MUC5B: variants seen among roughly 807,000 people sequenced by gnomAD.
MUC5B encodes the protein mucin 5B, oligomeric mucus/gel-forming, also known as mucin-5B.
A neutral mutation model predicts 376.9 loss-of-function variants in MUC5B; 116 were observed. That is an observed-to-expected ratio of 0.31 (90% CI 0.26 to 0.36). The LOEUF (loss-of-function observed/expected upper bound fraction) is 0.36. Ranked by LOEUF, MUC5B falls within the 10% of genes least tolerant of loss-of-function variation. The pLI, the probability that MUC5B is intolerant of heterozygous loss-of-function variation, is 1.00. For missense variants in MUC5B, 7,165 were observed against 7,769.9 expected, an observed-to-expected ratio of 0.92 and a Z score of 2.93; for synonymous variants, 3,517 against 3,390.9, an observed-to-expected ratio of 1.04 and a Z score of -1.29.
rs375985274 is a variant in MUC5B at position 1,232,698 on chromosome 11, G to A, written c.1993G>A (p.Ala665Thr). ...CERSEDCLCAALSSYVHACAA... is the reference protein window; with the variant it reads ...CERSEDCLCATLSSYVHACAA... ...GCGGAGCGAGGACTGCCTGTGCGCC[G>A]CGCTGTCCTCCTATGTGCACGCCTG... Residue 665 changes from alanine to threonine, a missense_variant, in exon 17 of 49, where the codon GCG becomes ACG. Ala to Thr is a moderately conservative substitution (Grantham distance 58). Coordinates refer to ENST00000529681, the MANE Select transcript of MUC5B (RefSeq NM_002458.3). 8 of 1,599,296 alleles carry A rather than the reference G, an allele frequency of 5.0e-6. No individual in the cohort carries two copies. Among genetic ancestry groups the A allele is most frequent in the African/African-American group, 1.3e-5 (1 of 74,676 alleles).
rs1375041151 is a variant in MUC5B at position 1,234,163 on chromosome 11, C to A, written c.2378-42C>A. 2.7e-6 allele frequency: 4 copies of A among 1,502,862 alleles called. No individual in the cohort carries two copies. The highest frequency in any genetic ancestry group is 2.8e-5 in the African/African-American group (2 of 72,556). The allele number at this position is 1,502,862 out of a possible 1,614,324, so 93.1% of individuals were successfully genotyped here. A position where few individuals can be genotyped will look rare whatever the true frequency, so the allele number is the denominator to read the frequency against. ...GCCTGGGGTCAGTTGAGGGCCGTGG[C>A]TGCCCTTCCCCAGGACCCCTCCCAC... On this transcript the variant is annotated intron_variant, in intron 19 of 48. Transcript: ENST00000529681. The surrounding 1 kb of genome is among the most constrained non-coding windows in gnomAD (Gnocchi z 6.3).
Position 1,242,861 on chromosome 11 carries a change from G to A in MUC5B, c.5981G>A (p.Arg1994His), listed in dbSNP as rs200080050. Reference sequence around the variant, plus strand: ...TCCTCCCTGGGCACCACCTGGACCCGCCTATCACAGACCACCACACCCACG... The same window carrying A: ...TCCTCCCTGGGCACCACCTGGACCCACCTATCACAGACCACCACACCCACG... Reference protein sequence around the residue: ...PSSSLGTTWTRLSQTTTPTAT... With the variant: ...PSSSLGTTWTHLSQTTTPTAT... Residue 1994 changes from arginine (R) to histidine (H), a missense_variant, in exon 31 of 49, where the codon CGC becomes CAC. Arg to His is a conservative substitution (Grantham distance 29, BLOSUM62 0). Coordinates refer to ENST00000529681, the MANE Select transcript of MUC5B (RefSeq NM_002458.3). 1,143 of 1,612,236 alleles carry A rather than the reference G, an allele frequency of 7.1e-4. 3 individuals are homozygous for A. In the African/African-American group the frequency reaches 0.013, roughly 19 times the overall value.
In MUC5B at chr11:1,242,411, G is replaced by C. The variant is rs779808962; in HGVS notation, c.5531G>C (p.Gly1844Ala). 1.2e-6 allele frequency: 2 copies of C among 1,613,796 alleles called. No individual in the cohort carries two copies. The highest frequency in any genetic ancestry group is 2.7e-5 in the African/African-American group (2 of 74,972). The change falls in exon 31 of 49, where the codon GGG becomes GCG. Residue 1844 changes from glycine to alanine, a missense_variant. Around this residue, in one of 31 missense-constraint regions of MUC5B, gnomAD observed 897 missense variants for 779.6 expected, o/e 1.15. Transcript: ENST00000529681. Reference sequence around the variant, plus strand: ...CCCGAGGTAAGCATCGACCAGGTCGGGCAGGTGCTGACCTGCAGCCTGGAG... The same window carrying C: ...CCCGAGGTAAGCATCGACCAGGTCGCGCAGGTGCTGACCTGCAGCCTGGAG... ...NYPEVSIDQVGQVLTCSLETG... is the reference protein window; with the variant it reads ...NYPEVSIDQVAQVLTCSLETG...
At position 1,244,673 on chromosome 11, in the gene MUC5B, C is replaced by T; in HGVS notation, c.7793C>T (p.Ser2598Phe). The T allele has an allele frequency of 6.2e-7, 1 of 1,612,138 alleles. No homozygotes were observed. The highest frequency in any genetic ancestry group is 1.1e-5 in the South Asian group (1 of 91,034). The change falls in exon 31 of 49, where the codon TCC becomes TTC. Residue 2598 changes from serine to phenylalanine, a missense_variant. Physicochemically the swap from Ser to Phe is radical, Grantham distance 155. Coordinates refer to ENST00000529681, the MANE Select transcript of MUC5B (RefSeq NM_002458.3). ...GATGSVATPS[S>F]TPGTAHTTKV... Reference sequence around the variant, plus strand: ...ACCGGCTCTGTGGCCACCCCCTCCTCCACCCCAGGAACAGCTCACACTACC... The same window carrying T: ...ACCGGCTCTGTGGCCACCCCCTCCTTCACCCCAGGAACAGCTCACACTACC...
chr11:1,226,443 C>T (rs1374373180), intron 3 of MUC5B, 167 bp downstream of exon 3: 24 of 1,248,934 alleles, frequency 1.9e-5, no homozygotes, highest in Middle Eastern at 2.0e-4. Context: ...GGGATGGGGA[C>T]GGGTCAGGGG....
In MUC5B at chr11:1,225,698, G is replaced by C. The variant is rs551858685; in HGVS notation, c.88G>C (p.Glu30Gln). Reference protein sequence around the residue: ...VPQAETQGPVEPSWENAGHTM... With the variant: ...VPQAETQGPVQPSWENAGHTM... ...TCCCACAGAGACCCAGGGCCCTGTGGAGCCGAGCTGGGAGAATGCAGGGCA... is the reference window on the plus strand; with the variant it reads ...TCCCACAGAGACCCAGGGCCCTGTGCAGCCGAGCTGGGAGAATGCAGGGCA... Residue 30 changes from glutamate to glutamine, a missense_variant, in exon 2 of 49, where the codon GAG (glutamate) becomes CAG (glutamine). This residue lies in a region of MUC5B where 640 missense variants were observed against 733.0 expected (regional missense o/e 0.87). Coordinates refer to ENST00000529681, the MANE Select transcript of MUC5B (RefSeq NM_002458.3). 5 of 1,605,214 alleles carry C rather than the reference G, an allele frequency of 3.1e-6. No homozygotes were observed. The highest frequency in any genetic ancestry group is 4.2e-6 in the Non-Finnish European group (5 of 1,176,550).
rs777059443 is a variant in MUC5B, at chr11:1,246,666, G to A, written c.9786G>A (p.Met3262Ile). 8 of 1,609,364 alleles carry A rather than the reference G, an allele frequency of 5.0e-6. No homozygotes were observed. The Admixed American group carries it at 1.0e-4, about 20-fold the overall frequency. Residue 3262 changes from methionine (M) to isoleucine (I), a missense_variant, in exon 31 of 49, where the codon ATG becomes ATA. By Grantham distance (10) the Met-to-Ile change is conservative. Transcript: ENST00000529681. ...LSQTTTPTATMSTATPSSTPE... is the reference protein window; with the variant it reads ...LSQTTTPTATISTATPSSTPE... ...AGACCACCACACCCACGGCCACCAT[G>A]TCCACAGCCACACCCTCCTCTACTC...
In MUC5B at chr11:1,242,727, C is replaced by T. The variant is rs774785475; in HGVS notation, c.5847C>T (p.Thr1949=). ...LTTTATTPTV[T]SSKATPSSSP... ...CCACGGCCACCACACCCACAGTCAC[C>T]AGCTCCAAAGCCACTCCCTCCTCCA... The change falls in exon 31 of 49, where the codon ACC becomes ACT. Residue 1949 remains threonine (T), a synonymous_variant. Transcript: ENST00000529681. 1 of 1,613,444 alleles carries T rather than the reference C, an allele frequency of 6.2e-7. No individual in the cohort carries two copies. Among genetic ancestry groups the T allele is most frequent in the African/African-American group, 1.3e-5 (1 of 74,900 alleles).
At chr11:1,254,626 G>A in intron 34 of MUC5B, 68 bp from the exon 35 acceptor site, 7 of 1,489,838 alleles carry the variant, frequency 4.7e-6, no homozygotes, top group Non-Finnish European at 6.4e-6. Flanking sequence ...GAGCCCCAAA[G>A]AGAAGCCCTG....
rs908522431 is a variant in MUC5B, at chr11:1,246,592, A to G, written c.9712A>G (p.Thr3238Ala). 7 of 1,612,748 alleles carry G rather than the reference A, an allele frequency of 4.3e-6. No homozygotes were observed. Among genetic ancestry groups the G allele is most frequent in the Non-Finnish European group, 5.9e-6 (7 of 1,179,534 alleles). Residue 3238 changes from threonine (T) to alanine (A), a missense_variant, in exon 31 of 49, where the codon ACA (threonine) becomes GCA (alanine). Thr to Ala is a moderately conservative substitution (Grantham distance 58). Transcript: ENST00000529681. The part of the protein sequence containing the change: ...TATTPTATSV[T>A]AIPSSSLGTA... ...CACCACACCCACAGCTACCAGCGTT[A>G]CAGCCATCCCCTCTTCCTCCCTGGG...
rs1324185084 is a variant in MUC5B at position 1,227,119 on chromosome 11, C to T, written c.550C>T (p.Leu184=). The T allele has an allele frequency of 1.2e-6, 2 of 1,612,314 alleles. No individual in the cohort carries two copies. Among genetic ancestry groups the T allele is most frequent in the Non-Finnish European group, 1.7e-6 (2 of 1,179,672 alleles). ...CAGCATCCGGCTGGTGCTGACATTC[C>T]TGTGGAACGGAGAGGACAGTGCCCT... ...KVSIRLVLTF[L]WNGEDSALLE... The change falls in exon 5 of 49, where the codon CTG becomes TTG. Residue 184 remains leucine (L), a synonymous_variant. Coordinates refer to ENST00000529681, the MANE Select transcript of MUC5B (RefSeq NM_002458.3).
In MUC5B at chr11:1,258,410, C is replaced by T. The variant is rs1564954010; in HGVS notation, c.16593+43C>T. On this transcript the variant is annotated intron_variant, in intron 43 of 48. Transcript: ENST00000529681. This position sits in a 1 kb window ranked among gnomAD's most constrained non-coding sequence, Gnocchi z 5.5. ...GGTGGGTGTGGCCCTGGGGCCTGAA[C>T]ATGTGTGTGGGATGCCCCGGGGCTC... The T allele has an allele frequency of 5.0e-6, 8 of 1,606,444 alleles. No homozygotes were observed. The highest frequency in any genetic ancestry group is 6.8e-6 in the Non-Finnish European group (8 of 1,176,388).
At chr11:1,225,869 G>T (rs146376192) in intron 2 of MUC5B, 132 bp downstream of exon 2, 5 of 858,836 alleles carry the variant, frequency 5.8e-6, no homozygotes, top group African/African-American at 5.1e-5. Flanking sequence ...CCCTGCCCAG[G>T]ACAATACCCA....
Position 1,248,461 on chromosome 11 carries a change from C to G in MUC5B, c.11581C>G (p.His3861Asp), listed in dbSNP as rs781175580. ...CCCCTCTTCCACCCCAGGAACAGCTCACACTACCAAAGTGCCGACTACCAC... is the reference window on the plus strand; with the variant it reads ...CCCCTCTTCCACCCCAGGAACAGCTGACACTACCAAAGTGCCGACTACCAC... ...ATPSSTPGTA[H>D]TTKVPTTTTT... Residue 3861 changes from histidine to aspartate, a missense_variant, in exon 31 of 49, where the codon CAC becomes GAC. Physicochemically the swap from His to Asp is moderately conservative, Grantham distance 81. Around this residue, in one of 31 missense-constraint regions of MUC5B, gnomAD observed 242 missense variants for 199.0 expected, o/e 1.22. Coordinates refer to ENST00000529681, the MANE Select transcript of MUC5B (RefSeq NM_002458.3). 3.7e-6 allele frequency: 6 copies of G among 1,610,826 alleles called. No individual in the cohort carries two copies. The highest frequency in any genetic ancestry group is 5.1e-6 in the Non-Finnish European group (6 of 1,178,146).
rs377428380 is a variant in MUC5B at position 1,252,945 on chromosome 11, C to T, written c.15182C>T (p.Pro5061Leu). Residue 5061 changes from proline (P) to leucine (L), a missense_variant, in exon 33 of 49, where the codon CCG becomes CTG. Physicochemically the swap from Pro to Leu is moderately conservative, Grantham distance 98 (BLOSUM62 -3). Transcript: ENST00000529681. Reference protein sequence around the residue: ...NKHLPIKVSDPSQPCDFHYEC... With the variant: ...NKHLPIKVSDLSQPCDFHYEC... ...CACCTGCCCATCAAAGTGTCGGACCCGAGCCAGCCCTGTGACTTCCACTAT... is the reference window on the plus strand; with the variant it reads ...CACCTGCCCATCAAAGTGTCGGACCTGAGCCAGCCCTGTGACTTCCACTAT... 1.8e-5 allele frequency: 29 copies of T among 1,612,536 alleles called. No individual in the cohort carries two copies. Among genetic ancestry groups the T allele is most frequent in the African/African-American group, 1.7e-4 (13 of 74,934 alleles).
rs918728446 is a variant in MUC5B at position 1,233,725 on chromosome 11, G to A, written c.2322-68G>A. 1.9e-5 allele frequency: 28 copies of A among 1,505,978 alleles called. 2 individuals carry two copies. The highest frequency in any genetic ancestry group is 6.0e-5 in the South Asian group (5 of 83,808). 93.3% of individuals were successfully genotyped at this position (1,505,978 alleles called of 1,614,324 possible). On this transcript the variant is annotated intron_variant, in intron 18 of 48. Coordinates refer to ENST00000529681, the MANE Select transcript of MUC5B (RefSeq NM_002458.3). ...GAGGCCCAGCGTTCGGCGGGGGCTC[G>A]GAAGCCCGGGGGTGGGGTCTGCGGG...
rs748172935 is a variant in MUC5B at position 1,229,248 on chromosome 11, C to T, written c.1055C>T (p.Ala352Val). The T allele has an allele frequency of 1.2e-5, 19 of 1,592,446 alleles. No homozygotes were observed. The highest frequency in any genetic ancestry group is 3.4e-5 in the Admixed American group (2 of 58,336). ...GACACCTGCTCCAACCCCCAGCGCG[C>T]GCAGCTCTGCGAGGACCACTGTGTG... ...CTDTCSNPQR[A>V]QLCEDHCVDG... is the part of the protein sequence containing the mutation. The change falls in exon 9 of 49, where the codon GCG becomes GTG. Residue 352 changes from alanine (A) to valine (V), a missense_variant. Transcript: ENST00000529681.
At chr11:1,256,799 C>G (rs777814555) in intron 39 of MUC5B, 28 bp downstream of exon 39, 2 of 1,498,066 alleles carry the variant, frequency 1.3e-6, no homozygotes, top group Non-Finnish European at 1.8e-6. Flanking sequence ...TGGCGGGATA[C>G]GACCCTGGGC....
chr11:1,243,675 C>T lies in MUC5B; in HGVS notation c.6795C>T (p.Pro2265=). The T allele has an allele frequency of 1.2e-6, 2 of 1,611,544 alleles. No individual in the cohort carries two copies. Among genetic ancestry groups the T allele is most frequent in the East Asian group, 2.2e-5 (1 of 44,854 alleles). ...CTAGCAGCAGAACCACCGAGTCACC[C>T]CCTTCTCCAGGGACGACCACCCCGG... is the stretch of plus-strand genomic sequence containing the variant. The part of the protein sequence containing the change: ...PHPSSRTTES[P]PSPGTTTPGH... Residue 2265 remains proline, a synonymous_variant, in exon 31 of 49, where the codon CCC becomes CCT. Coordinates refer to ENST00000529681, the MANE Select transcript of MUC5B (RefSeq NM_002458.3).
Sources: allele counts gnomAD v4.1 joint callset, GRCh38; gene constraint gnomAD v4.1.1; regional missense constraint gnomAD v4.1.1; non-coding constraint Gnocchi (gnomAD v3.1); transcripts MANE v1.5; gene names NCBI Gene and HGNC (gene_info 2026-07-23, HGNC 2026-07-21).